The following PBX3 variants were observed in gnomAD, a reference collection of about 807,000 sequenced individuals.
PBX3 encodes PBX homeobox 3.
In PBX3, 14 loss-of-function variants were observed where a neutral mutation model predicts 48.5. The ratio of observed to expected loss-of-function variants is 0.29; its 90% CI spans 0.19 to 0.45. The LOEUF is 0.45. Among genes scored for constraint, PBX3 ranks in the 20% least tolerant of loss-of-function variants. PBX3 has a pLI of 1.00. For synonymous variants in PBX3, 210 were observed against 200.3 expected, an observed-to-expected ratio of 1.05 and a Z score of -0.41; for missense variants, 386 against 546.7, an observed-to-expected ratio of 0.71 and a Z score of 2.93.
chr9:125,758,092 C>A (rs536473782), intron 2 of PBX3, among the ~76,000 whole-genome samples: 39 of 152,130 alleles, frequency 2.6e-4, no homozygotes, highest in Non-Finnish European at 4.9e-4. Context: ...TGGTTCTTGA[C>A]CTTTTGACTG....
intron 2 of PBX3, among the ~76,000 whole-genome samples, chr9:125,893,075 A>G (rs1377935546): frequency 6.6e-6 from 1 of 152,186 alleles, no homozygotes; most frequent in African/African-American, 2.4e-5. Context: ...TTTTCTGTAA[A>G]CATCATAAAC....
At chr9:125,788,737 C>T (rs754714111) in intron 2 of PBX3, among the ~76,000 whole-genome samples, 2 of 151,960 alleles carry the variant, frequency 1.3e-5, no homozygotes, top group Admixed American at 6.6e-5. Context: ...TAGCTGGTTG[C>T]GGCAGCATGC....
At chr9:125,766,097 C>T (rs907538804) in intron 2 of PBX3, among the ~76,000 whole-genome samples, 3 of 152,036 alleles carry the variant, frequency 2.0e-5, no homozygotes, top group South Asian at 4.1e-4. Context: ...TCTTAGAGGG[C>T]AGGGACTATC....
chr9:125,949,275 A>G, intron 5 of PBX3: 1 of 1,413,924 alleles, frequency 7.1e-7, no homozygotes, highest in Non-Finnish European at 9.6e-7. Flanking sequence ...GGTTAATGAA[A>G]TCATGTATGA....
At chr9:125,951,673 GAGA>G (rs752719691) in intron 5 of PBX3, among the ~76,000 whole-genome samples, 2 of 152,200 alleles carry the variant, frequency 1.3e-5, no homozygotes, top group Non-Finnish European at 2.9e-5. Context: ...ACAGCCCCAT[GAGA>G]AGGAGATATC....
At chr9:125,766,503 TAGTG>T (rs1836803817) in intron 2 of PBX3, among the ~76,000 whole-genome samples, 1 of 152,154 alleles carries the variant, frequency 6.6e-6, no homozygotes, top group African/African-American at 2.4e-5. Context: ...CTCTGTTTTC[TAGTG>T]AGGAAATATT....
At chr9:125,933,314 A>T (rs974924275) in intron 4 of PBX3, among the ~76,000 whole-genome samples, 1 of 152,176 alleles carries the variant, frequency 6.6e-6, no homozygotes, top group African/African-American at 2.4e-5. Context: ...AACATTTAAG[A>T]ATAAATTTGT....
intron 2 of PBX3, among the ~76,000 whole-genome samples, chr9:125,896,524 C>A (rs1218289395): frequency 6.6e-6 from 1 of 151,948 alleles, no homozygotes; most frequent in African/African-American, 2.4e-5. Flanking sequence ...GTAACTAATG[C>A]AATTTTTATA....
chr9:125,937,735 T>C (rs533034635), intron 5 of PBX3, among the ~76,000 whole-genome samples: 6 of 152,322 alleles, frequency 3.9e-5, no homozygotes, highest in South Asian at 2.1e-4. Context: ...TTATCACAGC[T>C]CACTGTAACT....
At chr9:125,754,844 C>G (rs188558068) in intron 2 of PBX3, among the ~76,000 whole-genome samples, 5 of 151,950 alleles carry the variant, frequency 3.3e-5, no homozygotes, top group Non-Finnish European at 7.4e-5. Flanking sequence ...TAACTGTCTA[C>G]GTAATAGTAA....
chr9:125,801,385 T>C (rs999842145), intron 2 of PBX3, among the ~76,000 whole-genome samples: 7 of 152,216 alleles, frequency 4.6e-5, no homozygotes, highest in Admixed American at 2.0e-4. Context: ...GTCATTCTTA[T>C]ATTTTTCTTG....
rs144654965 is a variant in PBX3 at position 125,784,775 on chromosome 9, C to T, written c.274+36152C>T. Among the ~76,000 whole-genome samples the T allele has an allele frequency of 8.5e-5, 13 of 152,178 alleles. No homozygotes were observed. The South Asian group carries it at 1.0e-3, about 12-fold the overall frequency. On this transcript the variant is annotated intron_variant, in intron 2 of 8. Coordinates refer to ENST00000373489, the MANE Select transcript of PBX3 (RefSeq NM_006195.6). ...CCCTTTCTCAGCCTTTGTGGATTGT[C>T]TCTGTTTGGGGACATTCCTTCATCA...
At chr9:125,927,360 C>A (rs1432678619) in intron 3 of PBX3, among the ~76,000 whole-genome samples, 1 of 152,196 alleles carries the variant, frequency 6.6e-6, no homozygotes, top group African/African-American at 2.4e-5. Flanking sequence ...TGATAAGACT[C>A]ATTTTACCTT....
intron 2 of PBX3, among the ~76,000 whole-genome samples, chr9:125,886,121 A>AT (rs1443510526): frequency 6.6e-6 from 1 of 152,098 alleles, no homozygotes; most frequent in Non-Finnish European, 1.5e-5. Context: ...TAGATAGTGC[A>AT]TGGGGAAACA....
intron 2 of PBX3, among the ~76,000 whole-genome samples, chr9:125,865,045 G>A (rs186369714): frequency 5.3e-5 from 8 of 152,302 alleles, no homozygotes; most frequent in South Asian, 2.1e-4. Context: ...TGTGCCTGGC[G>A]CTGTTCGGAT....
rs540478928 is a variant in PBX3, at chr9:125,823,183, C to T, written c.274+74560C>T. ...TGGGAAAAGTGGAGAAACGAACATT[C>T]TCTGGTTCCCTCTGCAAATGCTGAC... On this transcript the variant is annotated intron_variant, in intron 2 of 8. Coordinates refer to ENST00000373489, the MANE Select transcript of PBX3 (RefSeq NM_006195.6). 7.6e-4 allele frequency among the ~76,000 whole-genome samples: 115 copies of T among 152,262 alleles called. 1 individual carries two copies. The highest frequency in any genetic ancestry group is 1.6e-3 in the Non-Finnish European group (106 of 68,014).
chr9:125,880,345 CATT>C (rs1001365444), intron 2 of PBX3, among the ~76,000 whole-genome samples: 1 of 152,164 alleles, frequency 6.6e-6, no homozygotes. Context: ...TCTCAACCGT[CATT>C]ATTATTAACT....
chr9:125,760,747 T>C (rs1272320029), intron 2 of PBX3, among the ~76,000 whole-genome samples: 1 of 152,198 alleles, frequency 6.6e-6, no homozygotes, highest in Non-Finnish European at 1.5e-5. Context: ...CATTTTTCTG[T>C]GCATATAAGT....
chr9:125,870,142 C>T (rs1373055382), intron 2 of PBX3, among the ~76,000 whole-genome samples: 2 of 151,734 alleles, frequency 1.3e-5, no homozygotes, highest in Non-Finnish European at 2.9e-5. Flanking sequence ...GATCTCAGCT[C>T]CCTGCAACCT....
Sources: allele counts gnomAD v4.1 joint callset (sites outside exome capture counted in the v4.1 genomes callset), GRCh38; gene constraint gnomAD v4.1.1; transcripts MANE v1.5; gene names NCBI Gene and HGNC (gene_info 2026-07-23, HGNC 2026-07-21).